Variants in RGPD3 observed in about 807,000 individuals in gnomAD.
RGPD3 encodes ranBP2-like and GRIP domain-containing protein 3.
Under a neutral mutation model 154.5 loss-of-function variants are expected in RGPD3, and 62 were observed. The ratio of observed to expected loss-of-function variants is 0.40; its 90% CI spans 0.33 to 0.50. The LOEUF is 0.50. Ranked by LOEUF, RGPD3 falls within the 20% of genes least tolerant of loss-of-function variation. The probability of loss-of-function intolerance (pLI) is 0.59; values close to 1 mark genes in which losing one functional copy is unlikely to be tolerated. For missense variants in RGPD3, 919 were observed against 1,716.8 expected, an observed-to-expected ratio of 0.54 and a Z score of 8.21; for synonymous variants, 308 against 607.0, an observed-to-expected ratio of 0.51 and a Z score of 7.24.
At chr2:106,448,303 G>T (rs1230757587) in intron 6 of RGPD3, among the ~76,000 whole-genome samples, 1 of 152,176 alleles carries the variant, frequency 6.6e-6, no homozygotes, top group Non-Finnish European at 1.5e-5. Context: ...GTAGAGACAG[G>T]GTTTTACTAT....
intron 18 of RGPD3, among the ~76,000 whole-genome samples, chr2:106,426,734 G>C (rs1369130165): frequency 6.6e-6 from 1 of 152,244 alleles, no homozygotes; most frequent in Non-Finnish European, 1.5e-5. Flanking sequence ...ACTACCAATA[G>C]TCATTTGCTT....
chr2:106,415,580 G>A (rs1573243130), intron 21 of RGPD3, among the ~76,000 whole-genome samples: 1 of 147,296 alleles, frequency 6.8e-6, no homozygotes. Flanking sequence ...GGGAGGCTGA[G>A]GCAGGAGAAT....
chr2:106,413,187 A>G lies in RGPD3; in HGVS notation c.5163T>C (p.Ile1721=), dbSNP rs1676726014. 1.2e-6 allele frequency: 2 copies of G among 1,611,816 alleles called. No individual in the cohort carries two copies. The highest frequency in any genetic ancestry group is 1.7e-6 in the Non-Finnish European group (2 of 1,179,856). Residue 1721 remains isoleucine, a synonymous_variant, in exon 22 of 23, where the codon ATT becomes ATC. Coordinates refer to ENST00000409886, the MANE Select transcript of RGPD3 (RefSeq NM_001144013.2). ...CTCTTTCACTACCTGGCTTCAAGAA[A>G]ATGAACTGCAGCAAGACGTTCTTCA... ...EHLKNVLLQF[I]FLKPGSERER...
chr2:106,405,259 A>G (rs547749917), intron 22 of RGPD3, 30 bp from the exon 23 acceptor site: 33 of 1,604,032 alleles, frequency 2.1e-5, no homozygotes, highest in Non-Finnish European at 2.6e-5. Flanking sequence ...AAAAAAGAAA[A>G]AAGAGAGTAT....
In RGPD3 at chr2:106,411,463, A is replaced by T. The variant is rs948647583; in HGVS notation, c.5266+1621T>A. Among the ~76,000 whole-genome samples the T allele has an allele frequency of 6.9e-5, 10 of 145,302 alleles. No homozygotes were observed. The East Asian group carries it at 1.0e-3, about 15-fold the overall frequency. ...CCAAATATAGAACTGCTATAGCATA[A>T]ATGACCACTTTCTTCAATTAATAAG... On this transcript the variant is annotated intron_variant, in intron 22 of 22. Coordinates refer to ENST00000409886, the MANE Select transcript of RGPD3 (RefSeq NM_001144013.2).
In RGPD3 at chr2:106,404,992, C is replaced by G. The variant is rs1166173464; in HGVS notation, c.*227G>C. ...GGTATCAACACTTCAAGCTGTTGTA[C>G]TTTTACTTCAAGTTGAAACTTTTAA... is the stretch of plus-strand genomic sequence containing the variant. On this transcript the variant is annotated 3_prime_UTR_variant, in exon 23 of 23. Coordinates refer to ENST00000409886, the MANE Select transcript of RGPD3 (RefSeq NM_001144013.2). The G allele has an allele frequency of 3.1e-6, 2 of 651,216 alleles. No homozygotes were observed. The highest frequency in any genetic ancestry group is 5.3e-6 in the Non-Finnish European group (2 of 379,758). 40.3% of individuals were successfully genotyped at this position (651,216 alleles called of 1,614,324 possible). A position where few individuals can be genotyped will look rare whatever the true frequency, so the allele number is the denominator to read the frequency against.
intron 6 of RGPD3, among the ~76,000 whole-genome samples, chr2:106,450,748 G>T (rs1678091318): frequency 8.2e-6 from 1 of 121,642 alleles, no homozygotes; most frequent in African/African-American, 3.2e-5. Context: ...AGCCAGGTGT[G>T]GTGTCGGGCA....
chr2:106,424,947 T>G lies in RGPD3; in HGVS notation c.3020A>C (p.Gln1007Pro), dbSNP rs775394739. The G allele has an allele frequency of 6.2e-7, 1 of 1,611,844 alleles. No individual in the cohort carries two copies. Among genetic ancestry groups the G allele is most frequent in the Non-Finnish European group, 8.5e-7 (1 of 1,179,806 alleles). ...TGCTTTATTGGCCATTTTACCGTAT[T>G]GTGATGAGAATAATTTTTCTCCAGC... ...SGAGEKLFSS[Q>P]YGKMANKANT... The change falls in exon 20 of 23, where the codon CAA becomes CCA. Residue 1007 changes from glutamine to proline, a missense_variant. Physicochemically the swap from Gln to Pro is moderately conservative, Grantham distance 76. Coordinates refer to ENST00000409886, the MANE Select transcript of RGPD3 (RefSeq NM_001144013.2).
At chr2:106,419,473 TCTAG>T (rs1368034897) in intron 20 of RGPD3, among the ~76,000 whole-genome samples, 1 of 152,188 alleles carries the variant, frequency 6.6e-6, no homozygotes, top group African/African-American at 2.4e-5. Flanking sequence ...AGTTCCTTGC[TCTAG>T]CTAATGTTTC....
chr2:106,408,725 T>A (rs1676581865), intron 22 of RGPD3, among the ~76,000 whole-genome samples: 1 of 152,002 alleles, frequency 6.6e-6, no homozygotes, highest in Non-Finnish European at 1.5e-5. Flanking sequence ...CAGGCTGAAA[T>A]GCAGTGGCGT....
chr2:106,414,511 A>C (rs1305455993), intron 21 of RGPD3, among the ~76,000 whole-genome samples: 1 of 140,784 alleles, frequency 7.1e-6, no homozygotes. Flanking sequence ...AGTCTCAGCT[A>C]CTCAGGAGGC....
Position 106,424,639 on chromosome 2 carries a change from C to A in RGPD3, c.3328G>T (p.Ala1110Ser). Residue 1110 changes from alanine (A) to serine (S), a missense_variant, in exon 20 of 23, where the codon GCT (alanine) becomes TCT (serine). Transcript: ENST00000409886. ...ATTGTAGTCGTTATCCAATGATTAG[C>A]ACACACTTTTAGTACTTGTTCTCTT... Reference protein sequence around the residue: ...MQREQVLKVCANHWITTTMNL... With the variant: ...MQREQVLKVCSNHWITTTMNL... 1 of 1,611,964 alleles carries A rather than the reference C, an allele frequency of 6.2e-7. No individual in the cohort carries two copies. Among genetic ancestry groups the A allele is most frequent in the Non-Finnish European group, 8.5e-7 (1 of 1,179,856 alleles).
intron 1 of RGPD3, among the ~76,000 whole-genome samples, chr2:106,467,030 A>C (rs1678632851): frequency 4.9e-5 from 6 of 123,436 alleles, no homozygotes; most frequent in African/African-American, 5.5e-5. Flanking sequence ...CCGCCGCCTC[A>C]ACAGAGCGCG....
chr2:106,449,718 G>A (rs1299252963), intron 6 of RGPD3, among the ~76,000 whole-genome samples: 1 of 151,436 alleles, frequency 6.6e-6, no homozygotes, highest in African/African-American at 2.4e-5. Flanking sequence ...CAGATCAAGA[G>A]GTCAAGAGAT....
chr2:106,420,706 T>C (rs1486879738), intron 20 of RGPD3, among the ~76,000 whole-genome samples: 3 of 152,286 alleles, frequency 2.0e-5, no homozygotes, highest in Non-Finnish European at 4.4e-5. Flanking sequence ...TCGATAAAGT[T>C]ACTTTCATCT....
In RGPD3 at chr2:106,413,232, A is replaced by G; in HGVS notation, c.5118T>C (p.Ser1706=). The change falls in exon 22 of 23, where the codon TCT becomes TCC. Residue 1706 remains serine, a synonymous_variant. Transcript: ENST00000409886. ...TCTTCAAGTGTTCCACGTTAGCTGC[A>G]GACACCTCTTGCTCTTGATTCCTTT... The part of the protein sequence containing the change: ...RLERNQEQEV[S]AANVEHLKNV... The G allele has an allele frequency of 6.2e-7, 1 of 1,612,028 alleles. No individual in the cohort carries two copies. Among genetic ancestry groups the G allele is most frequent in the Non-Finnish European group, 8.5e-7 (1 of 1,179,864 alleles).
chr2:106,422,943 T>C (rs1677040883), intron 20 of RGPD3, 100 bp downstream of exon 20: 1 of 1,599,384 alleles, frequency 6.3e-7, no homozygotes, highest in Admixed American at 1.7e-5. Flanking sequence ...TCACAAAGCA[T>C]CGTTCATATC....
intron 20 of RGPD3, among the ~76,000 whole-genome samples, chr2:106,420,323 A>AT (rs1676941497): frequency 6.6e-6 from 1 of 151,256 alleles, no homozygotes; most frequent in African/African-American, 2.4e-5. Context: ...CCCAGCCACC[A>AT]TTAATGCAAA....
In RGPD3 at chr2:106,403,764, C is replaced by T. The variant is rs558190750; in HGVS notation, c.*1455G>A. Among the ~76,000 whole-genome samples the T allele has an allele frequency of 2.0e-3, 308 of 152,160 alleles. No homozygotes were observed. The East Asian group carries it at 0.022, about 11-fold the overall frequency. The stretch of plus-strand genomic sequence containing the variant: ...GGTCTGTTCTTCTAAGGAGGAAAGA[C>T]GAGATATATGAGATATTTTTTAAAG... On this transcript the variant is annotated 3_prime_UTR_variant, in exon 23 of 23. Coordinates refer to ENST00000409886, the MANE Select transcript of RGPD3 (RefSeq NM_001144013.2).
Sources: gnomAD v4.1 joint callset for allele counts (sites outside exome capture counted in the v4.1 genomes callset) on GRCh38, gnomAD v4.1.1 for gene constraint, MANE v1.5 for transcripts, NCBI Gene and HGNC (gene_info 2026-07-23, HGNC 2026-07-21) for gene names.